The following RAB39A variants were observed in gnomAD, a reference collection of about 807,000 sequenced individuals.
RAB39A encodes the protein RAB39A, member RAS oncogene family.
A neutral mutation model predicts 20.9 loss-of-function variants in RAB39A; 17 were observed. That is an observed-to-expected ratio of 0.81 (90% CI 0.56 to 1.22). The LOEUF (loss-of-function observed/expected upper bound fraction) is 1.22, where lower values mean the gene tolerates loss of function less well. Ranked by LOEUF, RAB39A falls within the 50% of genes most tolerant of loss-of-function variation. The pLI is 0.00. For missense variants in RAB39A, 234 were observed against 270.5 expected (o/e 0.87, Z 0.95); for synonymous variants, 99 against 103.4 (o/e 0.96, Z 0.26).
At chr11:107,938,307 C>T (rs570656958) in intron 1 of RAB39A, among the ~76,000 whole-genome samples, 192 of 147,942 alleles carry the variant, frequency 1.3e-3, no homozygotes, top group Non-Finnish European at 2.0e-3. Flanking sequence ...TTGCAGTGAG[C>T]CGAGATCACG....
At chr11:107,940,699 G>T (rs1861250224) in intron 1 of RAB39A, among the ~76,000 whole-genome samples, 1 of 152,144 alleles carries the variant, frequency 6.6e-6, no homozygotes, top group Non-Finnish European at 1.5e-5. Flanking sequence ...TCGGCCGGGT[G>T]TGGTGGCTCA....
chr11:107,956,200 C>T (rs1323720557), intron 1 of RAB39A, among the ~76,000 whole-genome samples: 1 of 152,196 alleles, frequency 6.6e-6, no homozygotes, highest in Non-Finnish European at 1.5e-5. Context: ...CTCTTTCCCT[C>T]AAACTTCCTC....
intron 1 of RAB39A, among the ~76,000 whole-genome samples, chr11:107,943,717 G>A (rs1861282216): frequency 6.6e-6 from 1 of 152,164 alleles, no homozygotes; most frequent in African/African-American, 2.4e-5. Context: ...TCTCTGTACT[G>A]GGTAGAATCC....
rs148709326 is a variant in RAB39A at position 107,958,516 on chromosome 11, C to T, written c.228-3430C>T. Among the ~76,000 whole-genome samples the T allele has an allele frequency of 1.1e-3, 172 of 152,294 alleles. 1 individual carries two copies. The highest frequency in any genetic ancestry group is 2.1e-3 in the Non-Finnish European group (144 of 68,016). On this transcript the variant is annotated intron_variant, in intron 1 of 1. Transcript: ENST00000320578. ...CCCCAGATGATTGATAGCAACAGTG[C>T]CCAATTGTTTTAGGAAAAACACTAC...
intron 1 of RAB39A, among the ~76,000 whole-genome samples, chr11:107,944,545 C>G (rs1241923721): frequency 6.6e-6 from 1 of 152,078 alleles, no homozygotes; most frequent in Non-Finnish European, 1.5e-5. Flanking sequence ...TGCCACCATG[C>G]CCGGCTAATT....
intron 1 of RAB39A, among the ~76,000 whole-genome samples, chr11:107,958,903 T>C (rs1167248646): frequency 6.6e-6 from 1 of 152,122 alleles, no homozygotes; most frequent in Non-Finnish European, 1.5e-5. Context: ...GTGGATCACC[T>C]GAGGTCAGGA....
At chr11:107,959,941 G>T (rs1260280358) in intron 1 of RAB39A, among the ~76,000 whole-genome samples, 1 of 152,188 alleles carries the variant, frequency 6.6e-6, no homozygotes, top group Non-Finnish European at 1.5e-5. Context: ...ATTGGCCGCG[G>T]TGGCTCACGC....
chr11:107,928,912 G>A lies in RAB39A; in HGVS notation c.227+117G>A. 2 of 755,302 alleles carry A rather than the reference G, an allele frequency of 2.6e-6. No homozygotes were observed. Among genetic ancestry groups the A allele is most frequent in the Non-Finnish European group, 4.0e-6 (2 of 494,488 alleles). 46.8% of individuals were successfully genotyped at this position (755,302 alleles called of 1,614,324 possible). A position where few individuals can be genotyped will look rare whatever the true frequency, so the allele number is the denominator to read the frequency against. ...GGAGAGGCTCTGGCCCTTCCCTCTC[G>A]AAAGTGCAAACACTCCATTCTCGCT... On this transcript the variant is annotated intron_variant, in intron 1 of 1. Coordinates refer to ENST00000320578, the MANE Select transcript of RAB39A (RefSeq NM_017516.3). The surrounding 1 kb of genome is among the most constrained non-coding windows in gnomAD (Gnocchi z 4.9).
At chr11:107,954,323 T>C (rs1280863172) in intron 1 of RAB39A, among the ~76,000 whole-genome samples, 1 of 152,124 alleles carries the variant, frequency 6.6e-6, no homozygotes, top group Non-Finnish European at 1.5e-5. Flanking sequence ...TTTGTTCCAT[T>C]GATTATTAAA....
At chr11:107,959,248 T>C (rs1321551349) in intron 1 of RAB39A, among the ~76,000 whole-genome samples, 2 of 152,144 alleles carry the variant, frequency 1.3e-5, no homozygotes, top group Non-Finnish European at 1.5e-5. Flanking sequence ...ATTCTAGTAA[T>C]GGTAAATTAA....
At chr11:107,934,872 T>C (rs1861177668) in intron 1 of RAB39A, among the ~76,000 whole-genome samples, 2 of 142,496 alleles carry the variant, frequency 1.4e-5, no homozygotes, top group East Asian at 2.1e-4. Flanking sequence ...GAGGTTGCGG[T>C]GAGCCGAGAT....
At chr11:107,960,167 G>A (rs1490173303) in intron 1 of RAB39A, among the ~76,000 whole-genome samples, 4 of 147,872 alleles carry the variant, frequency 2.7e-5, no homozygotes, top group Admixed American at 6.8e-5. Flanking sequence ...CCAAGATCAC[G>A]CCACTGCACT....
intron 1 of RAB39A, among the ~76,000 whole-genome samples, chr11:107,956,221 A>T (rs899067813): frequency 1.3e-5 from 2 of 152,130 alleles, no homozygotes; most frequent in African/African-American, 4.8e-5. Flanking sequence ...ACTCTCTCTG[A>T]TATTTCTCCT....
In RAB39A at chr11:107,962,324, G is replaced by A. The variant is rs749401612; in HGVS notation, c.606G>A (p.Val202=). 9 of 1,612,750 alleles carry A rather than the reference G, an allele frequency of 5.6e-6. No individual in the cohort carries two copies. Among genetic ancestry groups the A allele is most frequent in the Middle Eastern group, 1.7e-4 (1 of 6,056 alleles). ...GVKSGFVPNT[V]HSSEEAVKPR... ...AAAGTGGTTTTGTTCCAAATACTGT[G>A]CATTCTTCTGAGGAAGCAGTAAAGC... The change falls in exon 2 of 2, where the codon GTG becomes GTA. Residue 202 remains valine, a synonymous_variant. Coordinates refer to ENST00000320578, the MANE Select transcript of RAB39A (RefSeq NM_017516.3).
chr11:107,928,522 T>G lies in RAB39A; in HGVS notation c.-47T>G. 7.3e-7 allele frequency: 1 copy of G among 1,376,586 alleles called. No homozygotes were observed. Among genetic ancestry groups the G allele is most frequent in the East Asian group, 2.6e-5 (1 of 38,222 alleles). 85.3% of individuals were successfully genotyped at this position (1,376,586 alleles called of 1,614,324 possible). ...GAAAGGACAGTTCCCGCCGCCGAAC[T>G]TAGCCCGCGGGTGGGGCGGCCCGGG... On this transcript the variant is annotated 5_prime_UTR_variant, in exon 1 of 2. Transcript: ENST00000320578. This position sits in a 1 kb window ranked among gnomAD's most constrained non-coding sequence, Gnocchi z 4.9.
At chr11:107,947,491 G>GA (rs960602784) in intron 1 of RAB39A, among the ~76,000 whole-genome samples, 2 of 151,928 alleles carry the variant, frequency 1.3e-5, no homozygotes, top group Non-Finnish European at 2.9e-5. Flanking sequence ...AGATAGAAGA[G>GA]AAAAAACAGA....
At chr11:107,942,098 C>CAA (rs10537482) in intron 1 of RAB39A, among the ~76,000 whole-genome samples, 164 of 83,706 alleles carry the variant, frequency 2.0e-3, no homozygotes, top group African/African-American at 3.8e-3. Context: ...GATTCCATCT[C>CAA]AAAAAAAAAA....
rs1861517789 is a variant in RAB39A, at chr11:107,963,172, G to A, written c.*800G>A. The stretch of plus-strand genomic sequence containing the variant: ...CTCTGCTTCCTGGGTTCAGGTGATT[G>A]TCAGTACCTTACCTCAGCCTCCTGA... On this transcript the variant is annotated 3_prime_UTR_variant, in exon 2 of 2. Transcript: ENST00000320578. 6.6e-6 allele frequency: 1 copy of A among 151,830 alleles called. No individual in the cohort carries two copies. The highest frequency in any genetic ancestry group is 1.5e-5 in the Non-Finnish European group (1 of 67,998). 9.4% of individuals were successfully genotyped at this position (151,830 alleles called of 1,614,324 possible).
In RAB39A at chr11:107,950,134, C is replaced by T. The variant is rs1049892260; in HGVS notation, c.228-11812C>T. Among the ~76,000 whole-genome samples, 11 of 151,302 alleles carry T rather than the reference C, an allele frequency of 7.3e-5. No individual in the cohort carries two copies. In the East Asian group the frequency reaches 1.7e-3, roughly 24 times the overall value. ...GGCGGAACTTGCAGTGAGCCGAGAT[C>T]GTGCCACTGCACTCCACCCTGGGTG... is the stretch of plus-strand genomic sequence containing the variant. On this transcript the variant is annotated intron_variant, in intron 1 of 1. Coordinates refer to ENST00000320578, the MANE Select transcript of RAB39A (RefSeq NM_017516.3).
Sources: gnomAD v4.1 joint callset for allele counts (sites outside exome capture counted in the v4.1 genomes callset) on GRCh38, gnomAD v4.1.1 for gene constraint, Gnocchi (gnomAD v3.1) non-coding constraint, MANE v1.5 for transcripts, NCBI Gene and HGNC (gene_info 2026-07-23, HGNC 2026-07-21) for gene names.